TAOK3: variants seen among roughly 807,000 people sequenced by gnomAD.
TAOK3 encodes the protein serine/threonine-protein kinase TAO3.
In TAOK3, 40 loss-of-function variants were observed where a neutral mutation model predicts 120.4. That is an observed-to-expected ratio of 0.33 (90% CI 0.26 to 0.43). TAOK3 has a LOEUF of 0.43. Ranked by LOEUF, TAOK3 falls within the 20% of genes least tolerant of loss-of-function variation. The pLI, the probability that TAOK3 is intolerant of heterozygous loss-of-function variation, is 1.00. For missense variants in TAOK3, 821 were observed against 1,112.1 expected (o/e 0.74, Z 3.72); for synonymous variants, 355 against 387.5 (o/e 0.92, Z 0.99).
chr12:118,220,361 G>A (rs751744507), intron 9 of TAOK3, among the ~76,000 whole-genome samples: 1 of 151,868 alleles, frequency 6.6e-6, no homozygotes, highest in Non-Finnish European at 1.5e-5. Context: ...TGAAGGTGAG[G>A]GAAATTAAAG....
At chr12:118,243,899 G>A (rs1214695064) in intron 4 of TAOK3, among the ~76,000 whole-genome samples, 13 of 152,050 alleles carry the variant, frequency 8.5e-5, no homozygotes, top group African/African-American at 2.9e-4. Flanking sequence ...GGCTGGTCTC[G>A]AACTCCTGAC....
chr12:118,151,264 G>A (rs2249624), intron 20 of TAOK3, 106 bp from the exon 21 acceptor site: 551,930 of 1,089,954 alleles, frequency 0.51, 142,604 homozygotes, highest in Admixed American at 0.56. Context: ...ACACACATAG[G>A]CACACACATG....
chr12:118,342,332 T>C (rs1002274025), intron 1 of TAOK3, among the ~76,000 whole-genome samples: 2 of 152,210 alleles, frequency 1.3e-5, no homozygotes, highest in South Asian at 4.1e-4. Flanking sequence ...AAAGTTTTAT[T>C]AGCACAACAT....
chr12:118,250,581 ATCAT>A (rs138710625), intron 3 of TAOK3, among the ~76,000 whole-genome samples: 2,082 of 152,306 alleles, frequency 0.014, 49 homozygotes, highest in African/African-American at 0.048. Flanking sequence ...AGAGTTCTTC[ATCAT>A]TCATTCATTC....
chr12:118,224,840 T>G (rs181482486), intron 9 of TAOK3, among the ~76,000 whole-genome samples: 1 of 152,244 alleles, frequency 6.6e-6, no homozygotes, highest in African/African-American at 2.4e-5. Flanking sequence ...TATACTATTA[T>G]AGAAGAGACA....
chr12:118,164,542 C>G (rs1326456411), intron 17 of TAOK3, among the ~76,000 whole-genome samples: 2 of 151,820 alleles, frequency 1.3e-5, no homozygotes, highest in Non-Finnish European at 2.9e-5. Context: ...CTCAGCCTCC[C>G]GAGTAGCTGG....
intron 1 of TAOK3, among the ~76,000 whole-genome samples, chr12:118,277,563 C>T (rs974649622): frequency 6.6e-6 from 1 of 151,788 alleles, no homozygotes; most frequent in African/African-American, 2.4e-5. Context: ...TGGGTTCAAG[C>T]AATTCTTCTG....
At chr12:118,287,623 C>T (rs1170508702) in intron 1 of TAOK3, among the ~76,000 whole-genome samples, 1 of 152,164 alleles carries the variant, frequency 6.6e-6, no homozygotes, top group Non-Finnish European at 1.5e-5. Context: ...TTTAACTTCT[C>T]TAAGCCTCAG....
At chr12:118,285,956 A>C (rs1304352504) in intron 1 of TAOK3, among the ~76,000 whole-genome samples, 1 of 152,208 alleles carries the variant, frequency 6.6e-6, no homozygotes, top group Non-Finnish European at 1.5e-5. Flanking sequence ...CTTCCAGGTC[A>C]CAGGTAGGTA....
At chr12:118,269,829 C>T (rs1032769002) in intron 1 of TAOK3, among the ~76,000 whole-genome samples, 1 of 152,092 alleles carries the variant, frequency 6.6e-6, no homozygotes, top group Non-Finnish European at 1.5e-5. Context: ...TATTGCATTG[C>T]TATTGAAGCT....
At chr12:118,225,246 CAAAAAAAAA>C (rs34923071) in intron 9 of TAOK3, among the ~76,000 whole-genome samples, 2 of 75,858 alleles carry the variant, frequency 2.6e-5, no homozygotes, top group East Asian at 7.1e-4. Flanking sequence ...GAGACTGTCT[CAAAAAAAAA>C]AAAAAAAAAA....
chr12:118,204,578 G>A (rs1187857684), intron 11 of TAOK3, among the ~76,000 whole-genome samples: 1 of 152,178 alleles, frequency 6.6e-6, no homozygotes, highest in African/African-American at 2.4e-5. Flanking sequence ...AGAAGCAAGT[G>A]TAGCCTGCAC....
At chr12:118,309,223 G>T (rs962414890) in intron 1 of TAOK3, among the ~76,000 whole-genome samples, 2 of 151,408 alleles carry the variant, frequency 1.3e-5, no homozygotes, top group African/African-American at 2.4e-5. Context: ...CAGCTACTTG[G>T]GAGGCTGAGG....
rs372961865 is a variant in TAOK3, at chr12:118,332,845, A to T, written c.-194+39803T>A. ...TAGATACTCGAGTAGCTATATTAAT[A>T]TCAGATAAAGTGGACTTCAGAGAAA... On this transcript the variant is annotated intron_variant, in intron 1 of 20. Coordinates refer to ENST00000392533, the MANE Select transcript of TAOK3 (RefSeq NM_016281.4). Among the ~76,000 whole-genome samples the T allele has an allele frequency of 2.6e-5, 4 of 152,214 alleles. No individual in the cohort carries two copies. The South Asian group carries it at 8.3e-4, about 31-fold the overall frequency.
In TAOK3 at chr12:118,367,992, G is replaced by A. The variant is rs536434716; in HGVS notation, c.-194+4656C>T. ...AACATTACACCAAATTAGATATCAA[G>A]GTAGTCTCTAAGATTACAATAGTTT... On this transcript the variant is annotated intron_variant, in intron 1 of 20. Coordinates refer to ENST00000392533, the MANE Select transcript of TAOK3 (RefSeq NM_016281.4). Among the ~76,000 whole-genome samples, 8 of 152,216 alleles carry A rather than the reference G, an allele frequency of 5.3e-5. No individual in the cohort carries two copies. In the East Asian group the frequency reaches 7.7e-4, roughly 15 times the overall value.
intron 13 of TAOK3, among the ~76,000 whole-genome samples, chr12:118,192,653 C>G (rs1364963066): frequency 6.6e-6 from 1 of 152,190 alleles, no homozygotes; most frequent in East Asian, 1.9e-4. Flanking sequence ...GAGAAGTAAG[C>G]TCAAAGAAAT....
At chr12:118,252,095 C>T (rs564013892) in intron 3 of TAOK3, among the ~76,000 whole-genome samples, 1 of 152,316 alleles carries the variant, frequency 6.6e-6, no homozygotes, top group South Asian at 2.1e-4. Context: ...GCTGGGACTA[C>T]AGGCATGAGC....
chr12:118,327,496 T>C (rs1344046578), intron 1 of TAOK3, among the ~76,000 whole-genome samples: 1 of 152,084 alleles, frequency 6.6e-6, no homozygotes, highest in Non-Finnish European at 1.5e-5. Context: ...TGAAGGAAAA[T>C]GTTTAAACAT....
intron 1 of TAOK3, among the ~76,000 whole-genome samples, chr12:118,267,555 A>G (rs2041505815): frequency 6.6e-6 from 1 of 151,472 alleles, no homozygotes; most frequent in African/African-American, 2.4e-5. Flanking sequence ...AAAGAAGTAC[A>G]TGCCCAATGT....
Sources: allele counts gnomAD v4.1 joint callset (sites outside exome capture counted in the v4.1 genomes callset), GRCh38; gene constraint gnomAD v4.1.1; transcripts MANE v1.5; gene names NCBI Gene and HGNC (gene_info 2026-07-23, HGNC 2026-07-21).